Variants in LHFPL4 observed in about 807,000 individuals in gnomAD.
LHFPL4 encodes the protein LHFPL tetraspan subfamily member 4 protein.
A neutral mutation model predicts 20.0 loss-of-function variants in LHFPL4; 6 were observed. That is an observed-to-expected ratio of 0.30 (90% CI 0.16 to 0.59). The LOEUF is 0.59. Among genes scored for constraint, LHFPL4 ranks in the 20% least tolerant of loss-of-function variants. The pLI is 0.88. For missense variants in LHFPL4, 215 were observed against 331.2 expected (o/e 0.65, Z 2.72); for synonymous variants, 129 against 143.8 (o/e 0.90, Z 0.74).
chr3:9,527,584 G>A (rs546418659), intron 2 of LHFPL4, among the ~76,000 whole-genome samples: 32 of 152,036 alleles, frequency 2.1e-4, no homozygotes, highest in African/African-American at 7.7e-4. Context: ...ACAAGCGCCT[G>A]TAGTCTCAGC....
At chr3:9,549,452 T>C (rs189044983) in intron 2 of LHFPL4, among the ~76,000 whole-genome samples, 240 of 152,312 alleles carry the variant, frequency 1.6e-3, no homozygotes, top group African/African-American at 5.6e-3. Context: ...TCCCAGCATT[T>C]TGGGAGGCTG....
chr3:9,540,465 C>T (rs2046470287), intron 2 of LHFPL4, among the ~76,000 whole-genome samples: 1 of 152,146 alleles, frequency 6.6e-6, no homozygotes, highest in African/African-American at 2.4e-5. Context: ...TAGAGTGTGG[C>T]AGAAGTGATG....
chr3:9,507,768 C>T (rs1360797513), intron 2 of LHFPL4, among the ~76,000 whole-genome samples: 1 of 152,204 alleles, frequency 6.6e-6, no homozygotes, highest in Non-Finnish European at 1.5e-5. Flanking sequence ...CTGAGCTGAT[C>T]AGCACATTGC....
chr3:9,523,994 C>A (rs1274927048), intron 2 of LHFPL4, among the ~76,000 whole-genome samples: 4 of 134,024 alleles, frequency 3.0e-5, no homozygotes, highest in Non-Finnish European at 4.8e-5. Flanking sequence ...CCCCCCCCCC[C>A]AACACTTTAA....
At chr3:9,517,867 A>T (rs908425764) in intron 2 of LHFPL4, among the ~76,000 whole-genome samples, 4 of 150,246 alleles carry the variant, frequency 2.7e-5, no homozygotes, top group African/African-American at 9.8e-5. Context: ...TATCATCTAC[A>T]AACAAAGATA....
At chr3:9,517,808 G>GT (rs1294844205) in intron 2 of LHFPL4, among the ~76,000 whole-genome samples, 3,180 of 116,658 alleles carry the variant, frequency 0.027, 78 homozygotes, top group African/African-American at 0.07. Flanking sequence ...TTTGTTTTTT[G>GT]TTTTTTTTTT....
At chr3:9,524,022 C>T (rs933369851) in intron 2 of LHFPL4, among the ~76,000 whole-genome samples, 1 of 135,936 alleles carries the variant, frequency 7.4e-6, no homozygotes, top group Non-Finnish European at 1.6e-5. Context: ...ACTCCATTCT[C>T]TTCTTGCTTG....
In LHFPL4 at chr3:9,522,003, T is replaced by C. The variant is rs764533229; in HGVS notation, c.407-15800A>G. On this transcript the variant is annotated intron_variant, in intron 2 of 3. Coordinates refer to ENST00000287585, the MANE Select transcript of LHFPL4 (RefSeq NM_198560.3). ...TGTGGTTTTAATTGAACATTTTAAA[T>C]GATTCCATTTTTCTCTCCTTTCTTA... 1.3e-3 allele frequency among the ~76,000 whole-genome samples: 197 copies of C among 152,152 alleles called. 4 individuals carry two copies. The highest frequency in any genetic ancestry group is 5.2e-4 in the Admixed American group (8 of 15,284).
chr3:9,553,190 G>A (rs1287020231), intron 1 of LHFPL4, among the ~76,000 whole-genome samples: 5 of 151,510 alleles, frequency 3.3e-5, no homozygotes, highest in African/African-American at 1.2e-4. Context: ...CTGGTATTGG[G>A]TGTCTAGCAA....
chr3:9,519,675 C>G (rs1461527423), intron 2 of LHFPL4, among the ~76,000 whole-genome samples: 3 of 151,754 alleles, frequency 2.0e-5, no homozygotes. Flanking sequence ...CCTTCCACCT[C>G]ATCCTCCTGA....
At chr3:9,514,211 G>A (rs993418340) in intron 2 of LHFPL4, among the ~76,000 whole-genome samples, 1 of 152,164 alleles carries the variant, frequency 6.6e-6, no homozygotes, top group Non-Finnish European at 1.5e-5. Flanking sequence ...GGAGGATGAG[G>A]TGGGAGAAGC....
chr3:9,532,095 G>A (rs1278930137), intron 2 of LHFPL4, among the ~76,000 whole-genome samples: 13 of 149,766 alleles, frequency 8.7e-5, no homozygotes, highest in East Asian at 4.0e-4. Context: ...GCACAATCGC[G>A]GCTCACTGCA....
In LHFPL4 at chr3:9,499,542, C is replaced by T. The variant is rs2046155862; in HGVS notation, c.*2669G>A. On this transcript the variant is annotated 3_prime_UTR_variant, in exon 4 of 4. Coordinates refer to ENST00000287585, the MANE Select transcript of LHFPL4 (RefSeq NM_198560.3). Reference sequence around the variant, plus strand: ...GAATGGGAATGTTGCCAGGCTACCCCACCAGGGAACTAGCCTCCCTCCTCT... The same window carrying T: ...GAATGGGAATGTTGCCAGGCTACCCTACCAGGGAACTAGCCTCCCTCCTCT... 1.3e-5 allele frequency: 2 copies of T among 152,384 alleles called. No homozygotes were observed. The highest frequency in any genetic ancestry group is 4.1e-4 in the South Asian group (2 of 4,832). 9.4% of individuals were successfully genotyped at this position (152,384 alleles called of 1,614,324 possible). A position where few individuals can be genotyped will look rare whatever the true frequency, so the allele number is the denominator to read the frequency against.
chr3:9,533,783 A>C (rs181370353), intron 2 of LHFPL4, among the ~76,000 whole-genome samples: 1 of 151,762 alleles, frequency 6.6e-6, no homozygotes, highest in Non-Finnish European at 1.5e-5. Context: ...CTCTGTCTCA[A>C]AAAAAAATAA....
intron 2 of LHFPL4, among the ~76,000 whole-genome samples, chr3:9,545,782 G>A (rs2046508023): frequency 6.6e-6 from 1 of 151,914 alleles, no homozygotes; most frequent in Admixed American, 6.6e-5. Context: ...GGTGGTGTGT[G>A]CCTGTAGTTC....
chr3:9,513,632 C>T (rs1187584511), intron 2 of LHFPL4, among the ~76,000 whole-genome samples: 2 of 152,218 alleles, frequency 1.3e-5, no homozygotes, highest in Non-Finnish European at 2.9e-5. Flanking sequence ...TGCACCCAGC[C>T]TTGGGTCATT....
chr3:9,535,851 G>T (rs896858735), intron 2 of LHFPL4, among the ~76,000 whole-genome samples: 1 of 152,118 alleles, frequency 6.6e-6, no homozygotes, highest in Non-Finnish European at 1.5e-5. Flanking sequence ...GCCCAGGCTG[G>T]AGTGCAGTAG....
intron 2 of LHFPL4, among the ~76,000 whole-genome samples, chr3:9,508,770 C>T (rs1194213703): frequency 6.6e-6 from 1 of 152,194 alleles, no homozygotes; most frequent in Non-Finnish European, 1.5e-5. Flanking sequence ...AGGAAGGCAA[C>T]GGGGCAGGGG....
rs555078996 is a variant in LHFPL4, at chr3:9,546,080, G to A, written c.406+6194C>T. Among the ~76,000 whole-genome samples the A allele has an allele frequency of 1.4e-4, 22 of 152,034 alleles. No individual in the cohort carries two copies. In the South Asian group the frequency reaches 3.7e-3, roughly 26 times the overall value. ...TGTAATCCCAGTACTTTGGGAGGCC[G>A]AGGCCAGCGGATCACTTGAGGTCAG... On this transcript the variant is annotated intron_variant, in intron 2 of 3. Transcript: ENST00000287585.
Sources: gnomAD v4.1 joint callset for allele counts (sites outside exome capture counted in the v4.1 genomes callset) on GRCh38, gnomAD v4.1.1 for gene constraint, MANE v1.5 for transcripts, NCBI Gene and HGNC (gene_info 2026-07-23, HGNC 2026-07-21) for gene names.